AGTPBP1: variants seen among roughly 807,000 people sequenced by gnomAD.
AGTPBP1 encodes the protein cytosolic carboxypeptidase 1.
A neutral mutation model predicts 143.9 loss-of-function variants in AGTPBP1; 70 were observed. The observed-to-expected ratio is 0.49, with a 90% CI of 0.40 to 0.59. The LOEUF is 0.59. Among genes scored for constraint, AGTPBP1 ranks in the 20% least tolerant of loss-of-function variants. The pLI, the probability that AGTPBP1 is intolerant of heterozygous loss-of-function variation, is 0.00. For missense variants in AGTPBP1, 1,229 were observed against 1,464.5 expected, an observed-to-expected ratio of 0.84 and a Z score of 2.62; for synonymous variants, 463 against 500.2, an observed-to-expected ratio of 0.93 and a Z score of 0.99.
At chr9:85,684,612 C>T (rs1285983786) in intron 3 of AGTPBP1, among the ~76,000 whole-genome samples, 1 of 152,084 alleles carries the variant, frequency 6.6e-6, no homozygotes, top group African/African-American at 2.4e-5. Flanking sequence ...TTGCCATTCA[C>T]ATTATAACAT....
chr9:85,770,677 T>C, the AGTPBP1 span, among the ~76,000 whole-genome samples: 1 of 152,246 alleles, frequency 6.6e-6, no homozygotes, highest in East Asian at 1.9e-4. Context: ...ATTATCCAAA[T>C]ATGTAGGCCT....
the AGTPBP1 span, among the ~76,000 whole-genome samples, chr9:85,759,167 T>C: frequency 6.6e-6 from 1 of 152,128 alleles, no homozygotes; most frequent in Non-Finnish European, 1.5e-5. Flanking sequence ...CACACAATAA[T>C]AATGGGAGAC....
At chr9:85,555,238 G>C (rs1826261804) in intron 25 of AGTPBP1, among the ~76,000 whole-genome samples, 1 of 152,138 alleles carries the variant, frequency 6.6e-6, no homozygotes, top group Non-Finnish European at 1.5e-5. Flanking sequence ...TAGCAAAATT[G>C]CTAAAAACCA....
At position 85,626,937 on chromosome 9, in the gene AGTPBP1, A is replaced by AGGCAGATTT. The variant is rs1304956754; in HGVS notation, c.2016-5661_2016-5653dup. Among the ~76,000 whole-genome samples, 7 of 152,248 alleles carry AGGCAGATTT rather than the reference A, an allele frequency of 4.6e-5. No homozygotes were observed. In the East Asian group the frequency reaches 1.3e-3, roughly 29 times the overall value. ...TTTAGCTCATGGGCTGAACATAACCAGGCAGATTTGGCAGATTTGGGATGG... is the reference window on the plus strand; with the variant it reads ...TTTAGCTCATGGGCTGAACATAACCAGGCAGATTTGGCAGATTTGGCAGATTTGGGATGG... On this transcript the variant is annotated intron_variant, in intron 14 of 25. Coordinates refer to ENST00000357081, the MANE Select transcript of AGTPBP1 (RefSeq NM_001330701.2).
At chr9:85,728,028 TATACACACAC>T (rs1385870548) in intron 1 of AGTPBP1, among the ~76,000 whole-genome samples, 46 of 120,900 alleles carry the variant, frequency 3.8e-4, no homozygotes, top group African/African-American at 1.7e-3. Context: ...TATATATTTA[TATACACACAC>T]ACACACACAC....
At chr9:85,561,972 C>T (rs1826762855) in intron 25 of AGTPBP1, among the ~76,000 whole-genome samples, 1 of 151,834 alleles carries the variant, frequency 6.6e-6, no homozygotes, top group African/African-American at 2.4e-5. Flanking sequence ...GCTAGGATTA[C>T]AGGCACCTGC....
intron 17 of AGTPBP1, among the ~76,000 whole-genome samples, chr9:85,600,249 TC>T (rs1327556935): frequency 6.7e-6 from 1 of 149,368 alleles, no homozygotes; most frequent in Non-Finnish European, 1.5e-5. Context: ...GCCTTCCTGA[TC>T]CCTTCCTGGG....
intron 17 of AGTPBP1, among the ~76,000 whole-genome samples, chr9:85,603,319 C>T (rs986357160): frequency 1.1e-4 from 17 of 152,204 alleles, no homozygotes; most frequent in African/African-American, 3.4e-4. Context: ...TGGATACCAA[C>T]TCAGCCACAG....
At chr9:85,772,230 T>C in the AGTPBP1 span, among the ~76,000 whole-genome samples, 1 of 152,108 alleles carries the variant, frequency 6.6e-6, no homozygotes, top group South Asian at 2.1e-4. Context: ...CGCCTCGGCC[T>C]CCCAAAGTGC....
the AGTPBP1 span, among the ~76,000 whole-genome samples, chr9:85,778,204 C>A: frequency 1.3e-5 from 2 of 152,130 alleles, no homozygotes; most frequent in East Asian, 3.8e-4. Flanking sequence ...TGTGCACGAC[C>A]CACTTTATGG....
chr9:85,668,806 T>G (rs1834285574), intron 8 of AGTPBP1, among the ~76,000 whole-genome samples: 1 of 151,486 alleles, frequency 6.6e-6, no homozygotes, highest in African/African-American at 2.4e-5. Flanking sequence ...ATAAACTCTA[T>G]TTTATGTATG....
At chr9:85,764,888 A>G in the AGTPBP1 span, 1 of 1,223,764 alleles carries the variant, frequency 8.2e-7, no homozygotes, top group Non-Finnish European at 1.2e-6. Flanking sequence ...CATTTTTAAG[A>G]TGAAAAACTT....
chr9:85,633,454 T>C (rs938304666), intron 13 of AGTPBP1, 80 bp from the exon 14 acceptor site: 2 of 1,115,796 alleles, frequency 1.8e-6, no homozygotes, highest in Non-Finnish European at 2.4e-6. Context: ...TCATGTTATA[T>C]ATTGCTTCAG....
At chr9:85,621,168 AAACT>A (rs776741613) in intron 15 of AGTPBP1, 30 bp downstream of exon 15, 1 of 1,235,070 alleles carries the variant, frequency 8.1e-7, no homozygotes, top group Non-Finnish European at 1.1e-6. Context: ...GAAAAACTTA[AAACT>A]AATAAAAGTT....
chr9:85,753,394 C>T, the AGTPBP1 span: 4 of 1,613,774 alleles, frequency 2.5e-6, no homozygotes, highest in Middle Eastern at 1.7e-4. Context: ...AGAAAAGGTT[C>T]GTTTGGAAGT....
At chr9:85,663,822 T>C (rs992599353) in intron 8 of AGTPBP1, among the ~76,000 whole-genome samples, 2 of 152,018 alleles carry the variant, frequency 1.3e-5, no homozygotes, top group Non-Finnish European at 2.9e-5. Context: ...TATATGACCA[T>C]AAAAAGTGTG....
chr9:85,707,840 A>C (rs1173248800), intron 2 of AGTPBP1, among the ~76,000 whole-genome samples: 1 of 151,214 alleles, frequency 6.6e-6, no homozygotes, highest in African/African-American at 2.4e-5. Flanking sequence ...GCATGTTCTC[A>C]CTCATAAGTG....
Position 85,575,356 on chromosome 9 carries a change from G to GA in AGTPBP1, c.3461_3462insT (p.Phe1155LeufsTer2). On this transcript the variant is annotated frameshift_variant, in exon 25 of 26. Coordinates refer to ENST00000357081, the MANE Select transcript of AGTPBP1 (RefSeq NM_001330701.2). LOFTEE classifies it high-confidence loss of function. ...TTGATTCAATTAAATCATTTTCAAA[G>GA]TCAAGCAGGCTGGAAGGCAGATTAT... 1 of 1,601,634 alleles carries GA rather than the reference G, an allele frequency of 6.2e-7. No individual in the cohort carries two copies. Among genetic ancestry groups the GA allele is most frequent in the Non-Finnish European group, 8.5e-7 (1 of 1,176,566 alleles).
chr9:85,546,943 A>G lies in AGTPBP1; in HGVS notation c.*166T>C, dbSNP rs1437408047. ...CGAAAATAAAACAAGCGCCAATTTT[A>G]TCATTAATTAATAACACATTTATTA... On this transcript the variant is annotated 3_prime_UTR_variant, in exon 26 of 26. Coordinates refer to ENST00000357081, the MANE Select transcript of AGTPBP1 (RefSeq NM_001330701.2). 1.8e-6 allele frequency: 1 copy of G among 552,462 alleles called. No homozygotes were observed. The highest frequency in any genetic ancestry group is 3.4e-5 in the East Asian group (1 of 29,474). The allele number at this position is 552,462 out of a possible 1,614,324, so 34.2% of individuals were successfully genotyped here.
Sources: gnomAD v4.1 joint callset for allele counts (sites outside exome capture counted in the v4.1 genomes callset) on GRCh38, gnomAD v4.1.1 for gene constraint, MANE v1.5 for transcripts, NCBI Gene and HGNC (gene_info 2026-07-23, HGNC 2026-07-21) for gene names.